The following ELMO1 variants were observed in gnomAD, a reference collection of about 807,000 sequenced individuals.
ELMO1 encodes engulfment and cell motility 1.
Under a neutral mutation model 98.9 loss-of-function variants are expected in ELMO1, and 26 were observed. The observed-to-expected ratio is 0.26, with a 90% CI of 0.19 to 0.36. The LOEUF (loss-of-function observed/expected upper bound fraction) is 0.36, where lower values mean the gene tolerates loss of function less well. ELMO1 is among the 10% of genes least tolerant of loss of function. The probability of loss-of-function intolerance (pLI) is 1.00; values close to 1 mark genes in which losing one functional copy is unlikely to be tolerated. For synonymous variants in ELMO1, 346 were observed against 346.0 expected (o/e 1.00, Z 0.00); for missense variants, 627 against 935.2 (o/e 0.67, Z 4.30).
chr7:37,396,943 T>C (rs1803325055), intron 1 of ELMO1, among the ~76,000 whole-genome samples: 1 of 152,184 alleles, frequency 6.6e-6, no homozygotes, highest in African/African-American at 2.4e-5. Flanking sequence ...CATCAAGTGC[T>C]TGCACTAAGA....
intron 13 of ELMO1, among the ~76,000 whole-genome samples, chr7:37,166,543 G>C (rs1272207719): frequency 6.6e-6 from 1 of 151,920 alleles, no homozygotes; most frequent in East Asian, 1.9e-4. Flanking sequence ...TTGTGTCTTT[G>C]TTCTGGTTGG....
chr7:36,978,332 C>G (rs540634076), intron 16 of ELMO1, among the ~76,000 whole-genome samples: 1 of 151,184 alleles, frequency 6.6e-6, no homozygotes, highest in South Asian at 2.1e-4. Flanking sequence ...ACTTCAAGAT[C>G]TAGGATGCTA....
At chr7:37,335,462 A>G (rs1800349633) in intron 2 of ELMO1, among the ~76,000 whole-genome samples, 1 of 152,244 alleles carries the variant, frequency 6.6e-6, no homozygotes, top group Admixed American at 6.5e-5. Context: ...TGGCCCAGGG[A>G]CAATGCTTAT....
intron 16 of ELMO1, among the ~76,000 whole-genome samples, chr7:36,924,459 G>A (rs965613683): frequency 6.6e-6 from 1 of 152,054 alleles, no homozygotes; most frequent in African/African-American, 2.4e-5. Context: ...AACCAATGCT[G>A]TACAAAAAAA....
chr7:37,281,008 T>C (rs915493624), intron 4 of ELMO1, among the ~76,000 whole-genome samples: 2 of 112,352 alleles, frequency 1.8e-5, no homozygotes, highest in Admixed American at 1.8e-4. Context: ...AAAATATATA[T>C]ATAAATATAT....
intron 1 of ELMO1, among the ~76,000 whole-genome samples, chr7:37,397,157 T>C (rs539877740): frequency 6.6e-6 from 1 of 152,326 alleles, no homozygotes; most frequent in East Asian, 1.9e-4. Context: ...CTGAACCTTA[T>C]TTAATTTACT....
intron 2 of ELMO1, 56 bp from the exon 3 acceptor site, chr7:37,316,016 A>T (rs907750946): frequency 1.6e-5 from 21 of 1,287,276 alleles, no homozygotes; most frequent in Admixed American, 2.3e-5. Flanking sequence ...ATTTTAAATT[A>T]AAAAAAAGAA....
At chr7:37,446,499 T>C (rs1805624066) in intron 1 of ELMO1, among the ~76,000 whole-genome samples, 1 of 152,112 alleles carries the variant, frequency 6.6e-6, no homozygotes, top group Non-Finnish European at 1.5e-5. Flanking sequence ...AAGTGAGTCA[T>C]CTGGACATGT....
At chr7:37,442,918 C>T (rs765044461) in intron 1 of ELMO1, among the ~76,000 whole-genome samples, 38 of 152,232 alleles carry the variant, frequency 2.5e-4, no homozygotes, top group Non-Finnish European at 5.1e-4. Context: ...AAAGAAACAA[C>T]GCAGTAAAAC....
chr7:37,171,618 G>A (rs369427496), intron 13 of ELMO1, among the ~76,000 whole-genome samples: 7 of 146,762 alleles, frequency 4.8e-5, no homozygotes, highest in African/African-American at 1.0e-4. Context: ...TCAGCATCCC[G>A]AGTAGCTGGG....
intron 1 of ELMO1, among the ~76,000 whole-genome samples, chr7:37,378,603 A>G (rs1802459181): frequency 6.6e-6 from 1 of 152,138 alleles, no homozygotes; most frequent in African/African-American, 2.4e-5. Context: ...ACGAAAAAAA[A>G]AACTAATATT....
intron 16 of ELMO1, among the ~76,000 whole-genome samples, chr7:37,011,020 G>A (rs1237254078): frequency 6.6e-6 from 1 of 152,202 alleles, no homozygotes; most frequent in East Asian, 1.9e-4. Context: ...GCCTGGAGCT[G>A]CCTGTCCTGA....
At chr7:37,263,818 C>A (rs1270414101) in intron 5 of ELMO1, among the ~76,000 whole-genome samples, 12 of 152,108 alleles carry the variant, frequency 7.9e-5, no homozygotes, top group Admixed American at 6.5e-4. Context: ...GATGTGGAAG[C>A]AGTAGACAAG....
chr7:37,231,605 T>A, intron 8 of ELMO1, among the ~76,000 whole-genome samples: 1 of 152,012 alleles, frequency 6.6e-6, no homozygotes, highest in East Asian at 1.9e-4. Context: ...AAATCATAAA[T>A]GACAAACAAA....
At chr7:37,267,038 T>A (rs62459325) in intron 5 of ELMO1, among the ~76,000 whole-genome samples, 12 of 100,288 alleles carry the variant, frequency 1.2e-4, no homozygotes, top group African/African-American at 1.8e-4. Flanking sequence ...TATGTATATA[T>A]ACACACACAC....
At chr7:36,980,565 G>A (rs1790962010) in intron 16 of ELMO1, among the ~76,000 whole-genome samples, 1 of 152,146 alleles carries the variant, frequency 6.6e-6, no homozygotes, top group African/African-American at 2.4e-5. Context: ...TAAAGCATTG[G>A]ATTCTAGATT....
intron 15 of ELMO1, among the ~76,000 whole-genome samples, chr7:37,089,036 C>T (rs1266625045): frequency 6.6e-6 from 1 of 152,130 alleles, no homozygotes; most frequent in East Asian, 1.9e-4. Context: ...CTGTTAAAAG[C>T]TAATTTTCTT....
At chr7:37,208,089 T>C (rs760667160) in intron 13 of ELMO1, among the ~76,000 whole-genome samples, 15 of 152,228 alleles carry the variant, frequency 9.9e-5, no homozygotes, top group Non-Finnish European at 2.2e-4. Flanking sequence ...ATGGCCACTT[T>C]TACCTTGGAA....
At chr7:37,218,123 CAAAT>C (rs1793400483) in intron 10 of ELMO1, among the ~76,000 whole-genome samples, 1 of 151,952 alleles carries the variant, frequency 6.6e-6, no homozygotes, top group Non-Finnish European at 1.5e-5. Flanking sequence ...GACCAGATGA[CAAAT>C]AAAAGCCTCA....
Sources: allele counts gnomAD v4.1 joint callset (sites outside exome capture counted in the v4.1 genomes callset), GRCh38; gene constraint gnomAD v4.1.1; transcripts MANE v1.5; gene names NCBI Gene and HGNC (gene_info 2026-07-23, HGNC 2026-07-21).